VPS41: variants seen among roughly 807,000 people sequenced by gnomAD.
VPS41 encodes the protein vacuolar protein sorting-associated protein 41 homolog.
VPS41 carries 85 observed loss-of-function variants against 130.9 expected under a neutral mutation model. That is an observed-to-expected ratio of 0.65 (90% CI 0.55 to 0.78). VPS41 has a LOEUF of 0.78. Among genes scored for constraint, VPS41 ranks in the 30% least tolerant of loss-of-function variants. VPS41 has a pLI of 0.00. For synonymous variants in VPS41, 335 were observed against 332.9 expected, an observed-to-expected ratio of 1.01 and a Z score of -0.07; for missense variants, 874 against 1,018.7, an observed-to-expected ratio of 0.86 and a Z score of 1.93.
chr7:38,875,110 T>C (rs1484580063), intron 2 of VPS41, among the ~76,000 whole-genome samples: 2 of 152,068 alleles, frequency 1.3e-5, no homozygotes, highest in Non-Finnish European at 2.9e-5. Flanking sequence ...TCAAAACACA[T>C]CTTGAGTTTC....
At chr7:38,886,668 G>C (rs1440359103) in intron 2 of VPS41, among the ~76,000 whole-genome samples, 1 of 152,232 alleles carries the variant, frequency 6.6e-6, no homozygotes, top group Admixed American at 6.5e-5. Flanking sequence ...GGGAGCAGTG[G>C]TTCTCCCAGC....
chr7:38,737,488 A>C (rs1795792006), intron 25 of VPS41, among the ~76,000 whole-genome samples: 1 of 152,230 alleles, frequency 6.6e-6, no homozygotes. Flanking sequence ...ACCCATGAAA[A>C]GAAAACTTAA....
chr7:38,830,224 ACT>A (rs1320126288), intron 5 of VPS41, 28 bp downstream of exon 5: 2 of 1,506,078 alleles, frequency 1.3e-6, no homozygotes, highest in South Asian at 1.1e-5. Flanking sequence ...GCGCCACAGA[ACT>A]CTCTGCATGA....
chr7:38,868,700 C>T (rs1786281621), intron 3 of VPS41, among the ~76,000 whole-genome samples: 1 of 152,146 alleles, frequency 6.6e-6, no homozygotes, highest in African/African-American at 2.4e-5. Context: ...TAATTTGGGG[C>T]ATTTCTACTA....
chr7:38,907,541 C>T (rs1434698517), intron 1 of VPS41, among the ~76,000 whole-genome samples: 1 of 152,196 alleles, frequency 6.6e-6, no homozygotes, highest in Non-Finnish European at 1.5e-5. Context: ...TCATAGAATT[C>T]TTTTGGGAAG....
At chr7:38,738,349 A>G (rs940701008) in intron 25 of VPS41, among the ~76,000 whole-genome samples, 10 of 152,288 alleles carry the variant, frequency 6.6e-5, no homozygotes, top group African/African-American at 2.4e-4. Context: ...ACCTTCCCAG[A>G]CTGGCAAATC....
At position 38,765,643 on chromosome 7, in the gene VPS41, A is replaced by C. The variant is rs375743761; in HGVS notation, c.1266T>G (p.Leu422=). The part of the protein sequence containing the change: ...DIAARKCQKI[L]GKNAALWEYE... Reference sequence around the variant, plus strand: ...ATTCCCAGAGTGCTGCATTTTTCCCAAGAATTTTCTGGCATTTGCTGGCAG... The same window carrying C: ...ATTCCCAGAGTGCTGCATTTTTCCCCAGAATTTTCTGGCATTTGCTGGCAG... The change falls in exon 16 of 29, where the codon CTT becomes CTG. Residue 422 remains leucine, a synonymous_variant. Transcript: ENST00000310301. 1.2e-6 allele frequency: 2 copies of C among 1,602,346 alleles called. No individual in the cohort carries two copies. The highest frequency in any genetic ancestry group is 2.3e-5 in the East Asian group (1 of 44,372).
At chr7:38,768,115 AGT>A (rs1562578951) in intron 14 of VPS41, among the ~76,000 whole-genome samples, 2 of 152,200 alleles carry the variant, frequency 1.3e-5, no homozygotes, top group East Asian at 3.8e-4. Flanking sequence ...CAAACCCATC[AGT>A]TTACAGAAGA....
At chr7:38,772,789 G>C in intron 12 of VPS41, 152 bp from the exon 13 acceptor site, 1 of 521,646 alleles carries the variant, frequency 1.9e-6, no homozygotes, top group South Asian at 3.1e-5. Flanking sequence ...GAAGGTAAGT[G>C]TGGGAGACAG....
chr7:38,884,011 T>C (rs112635455), intron 2 of VPS41, among the ~76,000 whole-genome samples: 31 of 152,360 alleles, frequency 2.0e-4, no homozygotes, highest in African/African-American at 7.0e-4. Context: ...GCTCCATTTT[T>C]CTCAGCAATC....
At chr7:38,886,521 CA>C (rs1476313548) in intron 2 of VPS41, among the ~76,000 whole-genome samples, 20 of 152,196 alleles carry the variant, frequency 1.3e-4, no homozygotes, top group Admixed American at 1.3e-3. Flanking sequence ...CAGGGAAGCT[CA>C]AACTGGGCAG....
In VPS41 at chr7:38,798,117, C is replaced by T. The variant is rs549876660; in HGVS notation, c.451-1253G>A. Among the ~76,000 whole-genome samples the T allele has an allele frequency of 9.9e-5, 15 of 152,234 alleles. No homozygotes were observed. The South Asian group carries it at 3.1e-3, about 32-fold the overall frequency. ...CACTACTACCATGCCTTCCTACCCC[C>T]ACAGTTAGAGGCCTTCGGGAGTGTC... On this transcript the variant is annotated intron_variant, in intron 7 of 28. Transcript: ENST00000310301.
chr7:38,728,185 G>A (rs570244953), intron 27 of VPS41, among the ~76,000 whole-genome samples: 35 of 152,230 alleles, frequency 2.3e-4, no homozygotes, highest in Non-Finnish European at 4.9e-4. Context: ...TCTAAAAGAA[G>A]GGCCCCTGAA....
At chr7:38,892,702 A>T (rs1786892833) in intron 2 of VPS41, among the ~76,000 whole-genome samples, 1 of 152,240 alleles carries the variant, frequency 6.6e-6, no homozygotes, top group African/African-American at 2.4e-5. Context: ...AATGGATTAC[A>T]AAGTACCACT....
chr7:38,837,088 T>C (rs1465765130), intron 4 of VPS41, among the ~76,000 whole-genome samples: 4 of 152,330 alleles, frequency 2.6e-5, no homozygotes, highest in East Asian at 3.9e-4. Flanking sequence ...AGGTATTATG[T>C]AGTAAGGTAT....
chr7:38,882,818 A>C (rs1786641873), intron 2 of VPS41, among the ~76,000 whole-genome samples: 1 of 152,216 alleles, frequency 6.6e-6, no homozygotes, highest in African/African-American at 2.4e-5. Flanking sequence ...CCTCTAGCCC[A>C]GAGTTTTAAC....
chr7:38,890,454 T>G (rs1786836052), intron 2 of VPS41, among the ~76,000 whole-genome samples: 1 of 152,176 alleles, frequency 6.6e-6, no homozygotes, highest in South Asian at 2.1e-4. Context: ...GTATTTTCAC[T>G]GCAGTGGAGT....
In VPS41 at chr7:38,767,582, T is replaced by C; in HGVS notation, c.1202A>G (p.Tyr401Cys). 1 of 1,610,552 alleles carries C rather than the reference T, an allele frequency of 6.2e-7. No homozygotes were observed. The highest frequency in any genetic ancestry group is 8.5e-7 in the Non-Finnish European group (1 of 1,177,838). ...TCCTCTCTCCACCAGGTGATTTATA[T>C]ATGCCAAGCCAATATCCTAGAGAAA... ...RHKILDIGLA[Y>C]INHLVERGDY... The change falls in exon 15 of 29, where the codon TAT becomes TGT. Residue 401 changes from tyrosine to cysteine, a missense_variant. Physicochemically the swap from Tyr to Cys is radical, Grantham distance 194. Coordinates refer to ENST00000310301, the MANE Select transcript of VPS41 (RefSeq NM_014396.4).
chr7:38,838,870 T>C (rs1028552721), intron 4 of VPS41, among the ~76,000 whole-genome samples: 5 of 152,202 alleles, frequency 3.3e-5, no homozygotes, highest in Non-Finnish European at 5.9e-5. Flanking sequence ...CTTTTAATGG[T>C]GTTCTTTGTG....
Sources: gnomAD v4.1 joint callset for allele counts (sites outside exome capture counted in the v4.1 genomes callset) on GRCh38, gnomAD v4.1.1 for gene constraint, MANE v1.5 for transcripts, NCBI Gene and HGNC (gene_info 2026-07-23, HGNC 2026-07-21) for gene names.